The following ASTN2 variants were observed in gnomAD, a reference collection of about 807,000 sequenced individuals.
ASTN2 encodes the protein astrotactin-2.
ASTN2 carries 54 observed loss-of-function variants against 139.8 expected under a neutral mutation model. The observed-to-expected ratio is 0.39, with a 90% CI of 0.31 to 0.48. The LOEUF (loss-of-function observed/expected upper bound fraction) is 0.48, where lower values mean the gene tolerates loss of function less well. Among genes scored for constraint, ASTN2 ranks in the 20% least tolerant of loss-of-function variants. The pLI is 0.95. For synonymous variants in ASTN2, 756 were observed against 719.5 expected, an observed-to-expected ratio of 1.05 and a Z score of -0.81; for missense variants, 1,565 against 1,725.1, an observed-to-expected ratio of 0.91 and a Z score of 1.64.
chr9:117,299,216 T>G (rs1372166396), intron 1 of ASTN2, among the ~76,000 whole-genome samples: 1 of 152,188 alleles, frequency 6.6e-6, no homozygotes, highest in Non-Finnish European at 1.5e-5. Context: ...TTAATCATAT[T>G]CTCATTCACT....
intron 16 of ASTN2, chr9:116,686,620 C>T: frequency 7.0e-7 from 1 of 1,421,098 alleles, no homozygotes; most frequent in South Asian, 1.2e-5. Flanking sequence ...AAATCTCAGG[C>T]CAGATCACCT....
At chr9:117,135,375 C>T (rs184813900) in intron 4 of ASTN2, among the ~76,000 whole-genome samples, 2 of 152,270 alleles carry the variant, frequency 1.3e-5, no homozygotes, top group African/African-American at 4.8e-5. Context: ...GGCAAGGTGC[C>T]TAGAACATAC....
intron 2 of ASTN2, among the ~76,000 whole-genome samples, chr9:117,217,705 G>C (rs1026543111): frequency 1.3e-5 from 2 of 152,178 alleles, no homozygotes; most frequent in Non-Finnish European, 2.9e-5. Flanking sequence ...GATGCTTGTG[G>C]GGTATTTAAT....
chr9:116,522,485 A>G (rs1850918629), intron 19 of ASTN2, among the ~76,000 whole-genome samples: 1 of 152,110 alleles, frequency 6.6e-6, no homozygotes. Context: ...AGGCATAAGA[A>G]TGATACATTG....
chr9:117,184,857 A>G (rs956827331), intron 3 of ASTN2, among the ~76,000 whole-genome samples: 4 of 152,192 alleles, frequency 2.6e-5, no homozygotes. Context: ...GGGAGGAGAT[A>G]TGACTTTCCC....
At chr9:116,594,052 C>T (rs200460487) in intron 19 of ASTN2, among the ~76,000 whole-genome samples, 13 of 152,274 alleles carry the variant, frequency 8.5e-5, no homozygotes, top group East Asian at 1.9e-4. Context: ...TCAATGATGC[C>T]GTGGGACCTC....
chr9:117,043,535 T>TA (rs762603000), intron 5 of ASTN2, among the ~76,000 whole-genome samples: 7 of 152,200 alleles, frequency 4.6e-5, no homozygotes, highest in African/African-American at 7.2e-5. Flanking sequence ...GAATGGCTCA[T>TA]ACTCTCTCCC....
Position 116,439,194 on chromosome 9 carries a change from A to C in ASTN2, c.3782+1415T>G, listed in dbSNP as rs112831404. ...GATGTTGTGTTTTCTATTCAAATAC[A>C]TTTTTTTTTTTTTTTTTTTTTTTTG... On this transcript the variant is annotated intron_variant, in intron 22 of 22. Coordinates refer to ENST00000313400, the MANE Select transcript of ASTN2 (RefSeq NM_001365068.1). Among the ~76,000 whole-genome samples the C allele has an allele frequency of 3.8e-3, 218 of 56,724 alleles. 4 individuals carry two copies. The highest frequency in any genetic ancestry group is 0.015 in the African/African-American group (200 of 12,922). 37.2% of individuals were successfully genotyped at this position (56,724 alleles called of 152,430 possible).
intron 16 of ASTN2, among the ~76,000 whole-genome samples, chr9:116,670,455 C>T (rs555755474): frequency 1.3e-4 from 20 of 152,272 alleles, no homozygotes; most frequent in Admixed American, 3.3e-4. Flanking sequence ...CGCACCTGGC[C>T]TTATGTATTG....
At chr9:116,534,280 C>T (rs1306113978) in intron 19 of ASTN2, among the ~76,000 whole-genome samples, 1 of 152,096 alleles carries the variant, frequency 6.6e-6, no homozygotes, top group South Asian at 2.1e-4. Flanking sequence ...TGCTAGTGGT[C>T]TATCAATTTT....
Position 117,088,843 on chromosome 9 carries a change from C to T in ASTN2, c.1276+7201G>A, listed in dbSNP as rs185662219. On this transcript the variant is annotated intron_variant, in intron 5 of 22. Transcript: ENST00000313400. ...GGAGACAGATGCACCCAAACCCATA[C>T]AGCACAGAGCTGGGCTGGGAGGTTC... 2.0e-5 allele frequency among the ~76,000 whole-genome samples: 3 copies of T among 152,290 alleles called. No individual in the cohort carries two copies. In the East Asian group the frequency reaches 5.8e-4, roughly 29 times the overall value.
intron 10 of ASTN2, among the ~76,000 whole-genome samples, chr9:116,874,231 C>T (rs1271650790): frequency 2.0e-5 from 3 of 152,136 alleles, no homozygotes; most frequent in African/African-American, 7.2e-5. Flanking sequence ...TTAGCTGACA[C>T]TTAACATTCT....
chr9:116,770,515 A>C (rs1441668445), intron 13 of ASTN2, among the ~76,000 whole-genome samples: 1 of 152,214 alleles, frequency 6.6e-6, no homozygotes, highest in Non-Finnish European at 1.5e-5. Flanking sequence ...GACATAGTTG[A>C]TCCAAGGTTT....
chr9:117,055,579 G>T (rs1297205379), intron 5 of ASTN2, among the ~76,000 whole-genome samples: 1 of 152,230 alleles, frequency 6.6e-6, no homozygotes, highest in Non-Finnish European at 1.5e-5. Context: ...ATCTCGTTGA[G>T]CAAAGGCAAT....
rs572675900 is a variant in ASTN2, at chr9:116,562,838, G to C, written c.3355+55486C>G. 2.6e-5 allele frequency among the ~76,000 whole-genome samples: 4 copies of C among 151,704 alleles called. No homozygotes were observed. The East Asian group carries it at 7.8e-4, about 29-fold the overall frequency. ...AGAGGCACTGATTAAGCTGAAGACA[G>C]AGGGAAGGTTCGGAAAGCTCATGTG... On this transcript the variant is annotated intron_variant, in intron 19 of 22. Transcript: ENST00000313400.
At chr9:116,645,547 G>A (rs536442207) in intron 17 of ASTN2, among the ~76,000 whole-genome samples, 16 of 151,990 alleles carry the variant, frequency 1.1e-4, no homozygotes, top group Non-Finnish European at 1.8e-4. Context: ...CAGAATCAGA[G>A]GACAAAAATA....
chr9:117,148,859 C>T (rs965722908), intron 3 of ASTN2, among the ~76,000 whole-genome samples: 5 of 152,146 alleles, frequency 3.3e-5, no homozygotes, highest in African/African-American at 9.7e-5. Flanking sequence ...AAAGACTAAC[C>T]TCTCTGAGTT....
At chr9:116,910,626 C>T (rs558950406) in intron 10 of ASTN2, among the ~76,000 whole-genome samples, 18 of 152,224 alleles carry the variant, frequency 1.2e-4, no homozygotes, top group African/African-American at 3.1e-4. Flanking sequence ...CTGGTAAATC[C>T]ACCTTTGCCT....
intron 11 of ASTN2, among the ~76,000 whole-genome samples, chr9:116,849,665 T>C (rs1479635046): frequency 6.6e-6 from 1 of 152,166 alleles, no homozygotes; most frequent in African/African-American, 2.4e-5. Flanking sequence ...GTGAGTTACT[T>C]ATTCAGGGGT....
Sources: gnomAD v4.1 joint callset for allele counts (sites outside exome capture counted in the v4.1 genomes callset) on GRCh38, gnomAD v4.1.1 for gene constraint, MANE v1.5 for transcripts, NCBI Gene and HGNC (gene_info 2026-07-23, HGNC 2026-07-21) for gene names.